The following CPQ variants were observed in gnomAD, a reference collection of about 807,000 sequenced individuals.
CPQ encodes the protein Ser-Met dipeptidase.
Under a neutral mutation model 45.7 loss-of-function variants are expected in CPQ, and 37 were observed. The observed-to-expected ratio is 0.81, with a 90% CI of 0.62 to 1.07. The LOEUF (loss-of-function observed/expected upper bound fraction) is 1.07. Among genes scored for constraint, CPQ ranks in the 50% least tolerant of loss-of-function variants. The probability of loss-of-function intolerance (pLI) is 0.00; values close to 1 mark genes in which losing one functional copy is unlikely to be tolerated. For synonymous variants in CPQ, 186 were observed against 205.8 expected (o/e 0.90, Z 0.82); for missense variants, 537 against 572.9 (o/e 0.94, Z 0.64).
At chr8:96,961,416 G>A (rs527597782) in intron 4 of CPQ, among the ~76,000 whole-genome samples, 1 of 151,778 alleles carries the variant, frequency 6.6e-6, no homozygotes, top group African/African-American at 2.4e-5. Context: ...TTATTGATTT[G>A]TAAGAATTCT....
rs557387174 is a variant in CPQ at position 96,664,817 on chromosome 8, A to T, written c.-35+19415A>T. On this transcript the variant is annotated intron_variant, in intron 1 of 7. Transcript: ENST00000220763. ...TAGACTGGAGGTGGGGAGGCCCTTCACTGGACAGGCAACATTAATCTAGCT... is the reference window on the plus strand; with the variant it reads ...TAGACTGGAGGTGGGGAGGCCCTTCTCTGGACAGGCAACATTAATCTAGCT... Among the ~76,000 whole-genome samples the T allele has an allele frequency of 3.3e-5, 5 of 152,324 alleles. No individual in the cohort carries two copies. In the South Asian group the frequency reaches 1.0e-3, roughly 32 times the overall value.
At chr8:97,089,802 C>G (rs1485022671) in intron 7 of CPQ, among the ~76,000 whole-genome samples, 1 of 152,082 alleles carries the variant, frequency 6.6e-6, no homozygotes, top group African/African-American at 2.4e-5. Flanking sequence ...ACCCCTGGAC[C>G]AGTAGTATTC....
chr8:96,709,522 A>C (rs1338000691), intron 1 of CPQ, among the ~76,000 whole-genome samples: 1 of 152,106 alleles, frequency 6.6e-6, no homozygotes, highest in Middle Eastern at 3.2e-3. Context: ...GGTTGGTTTT[A>C]TACCTTTACA....
chr8:96,804,802 A>T (rs962962052), intron 2 of CPQ, among the ~76,000 whole-genome samples: 26 of 151,994 alleles, frequency 1.7e-4, no homozygotes, highest in Non-Finnish European at 3.1e-4. Context: ...AGTATTTACA[A>T]AAAGCTTTTT....
At chr8:96,816,107 T>G (rs1404626242) in intron 2 of CPQ, among the ~76,000 whole-genome samples, 2 of 152,068 alleles carry the variant, frequency 1.3e-5, no homozygotes, top group Non-Finnish European at 2.9e-5. Flanking sequence ...TCTTCTGGAG[T>G]ATGTGATGGT....
chr8:96,743,604 GT>G (rs1810128123), intron 1 of CPQ, among the ~76,000 whole-genome samples: 1 of 151,946 alleles, frequency 6.6e-6, no homozygotes, highest in African/African-American at 2.4e-5. Flanking sequence ...CATCTTTGTG[GT>G]TTTATCTACT....
At chr8:96,894,781 T>G (rs749536169) in intron 4 of CPQ, among the ~76,000 whole-genome samples, 8 of 152,218 alleles carry the variant, frequency 5.3e-5, no homozygotes, top group Non-Finnish European at 1.0e-4. Context: ...CTTACTTCAC[T>G]AGAACTGTCT....
intron 2 of CPQ, among the ~76,000 whole-genome samples, chr8:96,809,609 G>A (rs1811132969): frequency 6.6e-6 from 1 of 152,030 alleles, no homozygotes; most frequent in Non-Finnish European, 1.5e-5. Context: ...GGCTGTAAGA[G>A]GTATGAGGAA....
intron 4 of CPQ, among the ~76,000 whole-genome samples, chr8:96,951,155 T>C (rs914969562): frequency 6.6e-6 from 1 of 151,982 alleles, no homozygotes; most frequent in Non-Finnish European, 1.5e-5. Context: ...TGTAATGGCA[T>C]AAAAAAAACC....
chr8:97,133,462 G>A lies in CPQ; in HGVS notation c.1256-9558G>A, dbSNP rs558512271. On this transcript the variant is annotated intron_variant, in intron 7 of 7. Coordinates refer to ENST00000220763, the MANE Select transcript of CPQ (RefSeq NM_016134.4). ...GAACGTGATTGTTCTTTTAGAGTTTGTTAGGTGGGTGGTGGTAAAGTAATA... is the reference window on the plus strand; with the variant it reads ...GAACGTGATTGTTCTTTTAGAGTTTATTAGGTGGGTGGTGGTAAAGTAATA... 5.9e-5 allele frequency: 9 copies of A among 152,316 alleles called. No individual in the cohort carries two copies. In the South Asian group the frequency reaches 1.9e-3, roughly 32 times the overall value. The allele number at this position is 152,316 out of a possible 1,614,324, so 9.4% of individuals were successfully genotyped here.
intron 1 of CPQ, among the ~76,000 whole-genome samples, chr8:96,729,185 C>T (rs1024782312): frequency 2.6e-5 from 4 of 152,182 alleles, no homozygotes; most frequent in Non-Finnish European, 5.9e-5. Context: ...GGGGTGGAAC[C>T]TCCATGGCCA....
intron 1 of CPQ, among the ~76,000 whole-genome samples, chr8:96,772,166 T>A (rs1810551923): frequency 6.6e-6 from 1 of 151,810 alleles, no homozygotes; most frequent in Non-Finnish European, 1.5e-5. Context: ...GGCAGGGAGA[T>A]CAGTTAGGAG....
chr8:96,827,673 T>G (rs1024636041), intron 2 of CPQ, among the ~76,000 whole-genome samples: 1 of 152,080 alleles, frequency 6.6e-6, no homozygotes, highest in Non-Finnish European at 1.5e-5. Context: ...TTATCTCATA[T>G]GATGGTCACA....
intron 7 of CPQ, among the ~76,000 whole-genome samples, chr8:97,125,427 T>A (rs1373102052): frequency 6.6e-6 from 1 of 152,126 alleles, no homozygotes. Context: ...ACCAAAGATA[T>A]GGTAAGAAAA....
chr8:96,804,892 A>T (rs1811059450), intron 2 of CPQ, among the ~76,000 whole-genome samples: 1 of 152,222 alleles, frequency 6.6e-6, no homozygotes, highest in South Asian at 2.1e-4. Flanking sequence ...ATTTGGGAGA[A>T]ATTACCATAA....
chr8:96,800,671 TATAAAC>T (rs1353291080), intron 2 of CPQ, among the ~76,000 whole-genome samples: 5 of 152,172 alleles, frequency 3.3e-5, no homozygotes, highest in Non-Finnish European at 5.9e-5. Flanking sequence ...GAATGGCTCT[TATAAAC>T]ATAAAGCTGG....
At chr8:96,979,690 A>G (rs114558874) in intron 5 of CPQ, among the ~76,000 whole-genome samples, 1,907 of 152,290 alleles carry the variant, frequency 0.013, 42 homozygotes, top group African/African-American at 0.043. Context: ...TTGCCGTGGA[A>G]CGTAAGGGTT....
At chr8:96,702,999 G>T (rs1370428182) in intron 1 of CPQ, among the ~76,000 whole-genome samples, 21 of 152,102 alleles carry the variant, frequency 1.4e-4, no homozygotes, top group Admixed American at 1.4e-3. Context: ...TTGCAGTTCT[G>T]TTGGTTGTGA....
chr8:97,046,444 T>A (rs1810257872), intron 6 of CPQ, among the ~76,000 whole-genome samples: 1 of 152,206 alleles, frequency 6.6e-6, no homozygotes, highest in African/African-American at 2.4e-5. Flanking sequence ...TCCAAAGAGC[T>A]TTTATACCCC....
Sources: allele counts gnomAD v4.1 joint callset (sites outside exome capture counted in the v4.1 genomes callset), GRCh38; gene constraint gnomAD v4.1.1; transcripts MANE v1.5; gene names NCBI Gene and HGNC (gene_info 2026-07-23, HGNC 2026-07-21).